The following NLRP13 variants were observed in gnomAD, a reference collection of about 807,000 sequenced individuals.
NLRP13 encodes the protein NACHT, LRR and PYD domains-containing protein 13.
A neutral mutation model predicts 94.4 loss-of-function variants in NLRP13; 82 were observed. The observed-to-expected ratio is 0.87, with a 90% CI of 0.73 to 1.04. NLRP13 has a LOEUF of 1.04. Among genes scored for constraint, NLRP13 ranks in the 50% least tolerant of loss-of-function variants. NLRP13 has a pLI of 0.00. For synonymous variants in NLRP13, 553 were observed against 464.7 expected, an observed-to-expected ratio of 1.19 and a Z score of -2.45; for missense variants, 1,426 against 1,230.8, an observed-to-expected ratio of 1.16 and a Z score of -2.37.
downstream of NLRP13, among the ~76,000 whole-genome samples, chr19:55,893,380 C>T (rs1464755152): frequency 6.6e-6 from 1 of 151,954 alleles, no homozygotes; most frequent in Admixed American, 6.6e-5. Context: ...AAGAGTGAAA[C>T]TCCATCTCAA....
chr19:55,892,388 T>TAC (rs3073262), downstream of NLRP13, among the ~76,000 whole-genome samples: 121,108 of 151,240 alleles, frequency 0.8, 48,725 homozygotes, highest in East Asian at 0.96. Context: ...TACACACACA[T>TAC]ACACACACAC....
At chr19:55,919,711 C>T (rs1202806959) in intron 4 of NLRP13, among the ~76,000 whole-genome samples, 1 of 151,896 alleles carries the variant, frequency 6.6e-6, no homozygotes, top group African/African-American at 2.4e-5. Flanking sequence ...ATGGATGACA[C>T]AAGTAATGCT....
At chr19:55,917,880 G>A (rs1050576938) in intron 4 of NLRP13, among the ~76,000 whole-genome samples, 1 of 151,956 alleles carries the variant, frequency 6.6e-6, no homozygotes, top group Admixed American at 6.6e-5. Context: ...AACAAAGGAA[G>A]TCTGAACTTA....
chr19:55,920,191 G>C (rs1353046237), intron 4 of NLRP13, among the ~76,000 whole-genome samples: 2 of 152,112 alleles, frequency 1.3e-5, no homozygotes, highest in South Asian at 2.1e-4. Context: ...AGATGGAATA[G>C]AGATTTAAAT....
At chr19:55,903,447 C>A (rs953932310) in intron 8 of NLRP13, among the ~76,000 whole-genome samples, 1 of 152,154 alleles carries the variant, frequency 6.6e-6, no homozygotes, top group African/African-American at 2.4e-5. Context: ...TGCACCAGAG[C>A]AGCACGATGC....
chr19:55,911,938 C>G lies in NLRP13; in HGVS notation c.1879G>C (p.Glu627Gln). 1 of 1,614,198 alleles carries G rather than the reference C, an allele frequency of 6.2e-7. No homozygotes were observed. The highest frequency in any genetic ancestry group is 8.5e-7 in the Non-Finnish European group (1 of 1,180,034). The change falls in exon 5 of 11, where the codon GAA (glutamate) becomes CAA (glutamine). Residue 627 changes from glutamate (E) to glutamine (Q), a missense_variant. Glu to Gln is a conservative substitution (Grantham distance 29, BLOSUM62 2). Transcript: ENST00000342929. ...ATGTGAAATTGGAGAGAGGCACTTT[C>G]AGCCTTACCTAACTCTTCTCCCCAC... Reference protein sequence around the residue: ...LKWGEELGKAESASLQFHILR... With the variant: ...LKWGEELGKAQSASLQFHILR...
intron 7 of NLRP13, among the ~76,000 whole-genome samples, chr19:55,906,948 C>T (rs1340291294): frequency 1.5e-5 from 2 of 131,194 alleles, no homozygotes; most frequent in Non-Finnish European, 3.2e-5. Context: ...CAGTTGAGTT[C>T]CTGGGATCTG....
intron 1 of NLRP13, among the ~76,000 whole-genome samples, chr19:55,929,626 G>A (rs1600281529): frequency 6.6e-6 from 1 of 152,130 alleles, no homozygotes; most frequent in Admixed American, 6.5e-5. Context: ...GCCTGTCAGT[G>A]GGTGGGGGGC....
chr19:55,907,348 G>A (rs1986383925), intron 7 of NLRP13, among the ~76,000 whole-genome samples: 1 of 152,160 alleles, frequency 6.6e-6, no homozygotes, highest in South Asian at 2.1e-4. Flanking sequence ...GAGGCAAGCA[G>A]ATTGCTTGAG....
At position 55,913,389 on chromosome 19, in the gene NLRP13, G is replaced by A. The variant is rs1037373135; in HGVS notation, c.524-96C>T. On this transcript the variant is annotated intron_variant, in intron 4 of 10. Transcript: ENST00000342929. The stretch of plus-strand genomic sequence containing the variant: ...GTTCCTACCCCAAAGACTTGAATAA[G>A]AGAAACTCTGCCTTCCAGGATTTTG... 7 of 1,320,078 alleles carry A rather than the reference G, an allele frequency of 5.3e-6. No homozygotes were observed. The Admixed American group carries it at 1.6e-4, about 30-fold the overall frequency. 81.8% of individuals were successfully genotyped at this position (1,320,078 alleles called of 1,614,324 possible). A position where few individuals can be genotyped will look rare whatever the true frequency, so the allele number is the denominator to read the frequency against.
At chr19:55,917,402 T>C (rs940424943) in intron 4 of NLRP13, among the ~76,000 whole-genome samples, 4 of 152,020 alleles carry the variant, frequency 2.6e-5, no homozygotes, top group Non-Finnish European at 5.9e-5. Flanking sequence ...GAAATCAACA[T>C]TGTAACTGGA....
At chr19:55,892,896 A>T (rs1985896692), downstream of NLRP13, among the ~76,000 whole-genome samples, 1 of 152,192 alleles carries the variant, frequency 6.6e-6, no homozygotes, top group African/African-American at 2.4e-5. Context: ...GTAGTACTCC[A>T]TGGTGTATGT....
chr19:55,892,741 C>A (rs886837472), downstream of NLRP13, among the ~76,000 whole-genome samples: 71 of 152,088 alleles, frequency 4.7e-4, no homozygotes, highest in African/African-American at 1.7e-3. Context: ...ATCTTTAAAT[C>A]CACATGTACT....
At chr19:55,931,722 A>AGAAAGAAAGAAAG (rs1468023647) in intron 1 of NLRP13, among the ~76,000 whole-genome samples, 3 of 107,326 alleles carry the variant, frequency 2.8e-5, no homozygotes, top group Admixed American at 1.1e-4. Context: ...AAAAAAAAAA[A>AGAAAGAAAGAAAG]AAAGAAAGAA....
intron 6 of NLRP13, among the ~76,000 whole-genome samples, chr19:55,909,880 T>A (rs1372029174): frequency 6.6e-6 from 1 of 152,178 alleles, no homozygotes; most frequent in Non-Finnish European, 1.5e-5. Context: ...CCCTCCTCCT[T>A]CCCTACACTG....
chr19:55,921,701 C>A (rs1042198523), intron 4 of NLRP13, among the ~76,000 whole-genome samples: 1 of 152,084 alleles, frequency 6.6e-6, no homozygotes, highest in African/African-American at 2.4e-5. Context: ...GGGGCTAATA[C>A]AATTGCACAT....
chr19:55,925,031 A>G lies in NLRP13; in HGVS notation c.324T>C (p.Asn108=), dbSNP rs372341729. ...GATCTTGCAGCTCTTGGGTCTGCAC[A>G]TTCTCTGAAACAAACAGTGATGATG... ...CEKVRAEMKE[N]VQTQELQDPT... is the part of the protein sequence containing the mutation. The change falls in exon 2 of 11, where the codon AAT becomes AAC. Residue 108 remains asparagine (N), a synonymous_variant. Transcript: ENST00000342929. 6.2e-7 allele frequency: 1 copy of G among 1,613,902 alleles called. No homozygotes were observed. Among genetic ancestry groups the G allele is most frequent in the Non-Finnish European group, 8.5e-7 (1 of 1,179,826 alleles).
rs757141810 is a variant in NLRP13, at chr19:55,904,956, G to C, written c.2604C>G (p.Ala868=). The C allele has an allele frequency of 5.6e-6, 9 of 1,613,594 alleles. No homozygotes were observed. The highest frequency in any genetic ancestry group is 1.1e-5 in the South Asian group (1 of 91,050). Reference sequence around the variant, plus strand: ...GGAAAACTTACTCCAGTCTCTCTAAGGCACACTTGGGGTGAGTCAGGGCCG... The same window carrying C: ...GGAAAACTTACTCCAGTCTCTCTAACGCACACTTGGGGTGAGTCAGGGCCG... ...LCAALTHPKC[A]LERLELWFCQ... The change falls in exon 8 of 11, where the codon GCC becomes GCG. Residue 868 remains alanine, a synonymous_variant. Coordinates refer to ENST00000342929, the MANE Select transcript of NLRP13 (RefSeq NM_176810.2).
intron 5 of NLRP13, among the ~76,000 whole-genome samples, chr19:55,911,309 G>C (rs116909817): frequency 6.6e-6 from 1 of 152,148 alleles, no homozygotes; most frequent in Non-Finnish European, 1.5e-5. Flanking sequence ...TCTGCTTGCT[G>C]CAACTTCTGC....
Sources: gnomAD v4.1 joint callset for allele counts (sites outside exome capture counted in the v4.1 genomes callset) on GRCh38, gnomAD v4.1.1 for gene constraint, MANE v1.5 for transcripts, NCBI Gene and HGNC (gene_info 2026-07-23, HGNC 2026-07-21) for gene names.